Variants in CD101 observed in about 807,000 individuals in gnomAD.
CD101 encodes immunoglobulin superfamily member 2.
CD101 carries 76 observed loss-of-function variants against 98.2 expected under a neutral mutation model. The ratio of observed to expected loss-of-function variants is 0.77; its 90% CI spans 0.64 to 0.94. CD101 has a LOEUF of 0.94. CD101 is among the 40% of genes least tolerant of loss of function. The pLI, the probability that CD101 is intolerant of heterozygous loss-of-function variation, is 0.00. For synonymous variants in CD101, 471 were observed against 472.7 expected, an observed-to-expected ratio of 1.00 and a Z score of 0.05; for missense variants, 1,145 against 1,218.8, an observed-to-expected ratio of 0.94 and a Z score of 0.90.
chr1:117,015,812 C>G (rs1214109121), intron 4 of CD101, among the ~76,000 whole-genome samples: 2 of 152,152 alleles, frequency 1.3e-5, no homozygotes, highest in Non-Finnish European at 2.9e-5. Flanking sequence ...AACAATGCAG[C>G]AAGGTGAGCA....
At chr1:117,026,915 G>A (rs1310870590) in intron 8 of CD101, 6 of 152,130 alleles carry the variant, frequency 3.9e-5, no homozygotes, top group Admixed American at 2.0e-4. Flanking sequence ...TGTACCTTCT[G>A]GGCTCCTCCA....
In CD101 at chr1:117,005,700, C is replaced by G. The variant is rs2764851; in HGVS notation, c.43+3840C>G. On this transcript the variant is annotated intron_variant, in intron 1 of 9. Coordinates refer to ENST00000682167, the MANE Select transcript of CD101 (RefSeq NM_001256106.3). The surrounding 1 kb of genome is among the most constrained non-coding windows in gnomAD (Gnocchi z 4.4). Reference sequence around the variant, plus strand: ...TTCCCAACACTTGTATGTAACTGACCTAATCTACATCTAACAGTTCAGAAC... The same window carrying G: ...TTCCCAACACTTGTATGTAACTGACGTAATCTACATCTAACAGTTCAGAAC... Among the ~76,000 whole-genome samples the G allele has an allele frequency of 0.16, 23,926 of 152,084 alleles. 2,001 individuals are homozygous for G. The highest frequency in any genetic ancestry group is 0.23 in the Middle Eastern group (69 of 294).
At chr1:117,020,095 C>T (rs1051365143) in intron 6 of CD101, among the ~76,000 whole-genome samples, 2 of 152,044 alleles carry the variant, frequency 1.3e-5, no homozygotes, top group Non-Finnish European at 2.9e-5. Context: ...TCTTCTCCAT[C>T]GGAATAATTC....
In CD101 at chr1:117,019,415, C is replaced by T. The variant is rs1390504943; in HGVS notation, c.2017+855C>T. 6.6e-6 allele frequency among the ~76,000 whole-genome samples: 1 copy of T among 151,926 alleles called. No homozygotes were observed. The highest frequency in any genetic ancestry group is 2.4e-5 in the African/African-American group (1 of 41,344). On this transcript the variant is annotated intron_variant, in intron 6 of 9. Transcript: ENST00000682167. This position sits in a 1 kb window ranked among gnomAD's most constrained non-coding sequence, Gnocchi z 4.3. The stretch of plus-strand genomic sequence containing the variant: ...AACATTTTTGGTAATAGTAATGATC[C>T]CCTTGTTCATGAATTCATGCTTAAT...
intron 2 of CD101, 33 bp from the exon 3 acceptor site, chr1:117,011,517 C>T (rs200663410): frequency 1.9e-6 from 3 of 1,583,944 alleles, no homozygotes; most frequent in East Asian, 2.2e-5. Flanking sequence ...AAGCACTGGG[C>T]CAGTCACATT....
intron 8 of CD101, among the ~76,000 whole-genome samples, chr1:117,028,850 G>A (rs906086867): frequency 6.6e-6 from 1 of 152,162 alleles, no homozygotes; most frequent in African/African-American, 2.4e-5. Flanking sequence ...AAGTTGAGGG[G>A]AGAGTGGGCA....
intron 1 of CD101, among the ~76,000 whole-genome samples, chr1:117,008,664 C>T (rs1015649397): frequency 1.2e-4 from 18 of 152,130 alleles, no homozygotes; most frequent in Admixed American, 1.1e-3. Flanking sequence ...CATTTCATCC[C>T]AGATTCCTAT....
intron 8 of CD101, among the ~76,000 whole-genome samples, chr1:117,029,226 AAAGAAAG>A (rs1557779132): frequency 1.9e-4 from 11 of 58,088 alleles, no homozygotes; most frequent in Admixed American, 4.6e-4. Flanking sequence ...AGAAAGAAAG[AAAGAAAG>A]AAAGAAAGAA....
At chr1:117,008,301 C>T (rs1442147320) in intron 1 of CD101, among the ~76,000 whole-genome samples, 1 of 152,012 alleles carries the variant, frequency 6.6e-6, no homozygotes, top group Non-Finnish European at 1.5e-5. Context: ...CCCGTCTCTA[C>T]TAAAAATATA....
At position 117,021,562 on chromosome 1, in the gene CD101, T is replaced by C. The variant is rs754807766; in HGVS notation, c.2018-11T>C. The C allele has an allele frequency of 7.1e-6, 11 of 1,550,226 alleles. No individual in the cohort carries two copies. In the African/African-American group the frequency reaches 1.4e-4, roughly 20 times the overall value. On this transcript the variant is annotated splice_polypyrimidine_tract_variant and intron_variant, in intron 6 of 9. Transcript: ENST00000682167. The surrounding 1 kb of genome is among the most constrained non-coding windows in gnomAD (Gnocchi z 4.7). ...CATAGCAAAGTAACTGTTTCATTTT[T>C]TTAAATTTAGAGAGCAAGCTAAAAG... is the stretch of plus-strand genomic sequence containing the variant.
intron 1 of CD101, 115 bp from the exon 2 acceptor site, chr1:117,009,735 A>G (rs1652762329): frequency 9.0e-7 from 1 of 1,105,806 alleles, no homozygotes; most frequent in African/African-American, 1.6e-5. Context: ...AATTATAGCT[A>G]ATAACTTGCG....
chr1:117,018,115 T>C lies in CD101; in HGVS notation c.1613-41T>C. On this transcript the variant is annotated intron_variant, in intron 5 of 9. Transcript: ENST00000682167. This position sits in a 1 kb window ranked among gnomAD's most constrained non-coding sequence, Gnocchi z 4.3. ...AACTTGAAAGTGCTATATTTTAATC[T>C]GGTAAATATATTAGAAATTCTGTTT... 6.6e-7 allele frequency: 1 copy of C among 1,504,532 alleles called. No homozygotes were observed. Among genetic ancestry groups the C allele is most frequent in the Non-Finnish European group, 8.9e-7 (1 of 1,122,704 alleles). 93.2% of individuals were successfully genotyped at this position (1,504,532 alleles called of 1,614,324 possible).
intron 9 of CD101, among the ~76,000 whole-genome samples, chr1:117,035,836 G>GC (rs1350285033): frequency 7.9e-5 from 12 of 152,222 alleles, no homozygotes; most frequent in Admixed American, 1.3e-4. Context: ...ACAGGCGTGA[G>GC]CCACCACGCC....
rs776683399 is a variant in CD101 at position 117,021,825 on chromosome 1, C to G, written c.2270C>G (p.Ser757Cys). ...CAAAAATTTCATACTGAGAAGGTTTCCCAAGACTTATTTCAGCTGCACATT... is the reference window on the plus strand; with the variant it reads ...CAAAAATTTCATACTGAGAAGGTTTGCCAAGACTTATTTCAGCTGCACATT... ...RKQKFHTEKV[S>C]QDLFQLHILN... Residue 757 changes from serine (S) to cysteine (C), a missense_variant, in exon 7 of 10, where the codon TCC becomes TGC. Transcript: ENST00000682167. This position sits in a 1 kb window ranked among gnomAD's most constrained non-coding sequence, Gnocchi z 4.7. 1.2e-6 allele frequency: 2 copies of G among 1,614,134 alleles called. No individual in the cohort carries two copies. Among genetic ancestry groups the G allele is most frequent in the Non-Finnish European group, 1.7e-6 (2 of 1,180,028 alleles).
In CD101 at chr1:117,018,078, G is replaced by A; in HGVS notation, c.1613-78G>A. The A allele has an allele frequency of 8.0e-7, 1 of 1,245,378 alleles. No homozygotes were observed. 77.1% of individuals were successfully genotyped at this position (1,245,378 alleles called of 1,614,324 possible). ...AATGCATGGTCCTAGTCAAAGAGGTGGCAACTAGAAAAACTTGAAAGTGCT... is the reference window on the plus strand; with the variant it reads ...AATGCATGGTCCTAGTCAAAGAGGTAGCAACTAGAAAAACTTGAAAGTGCT... On this transcript the variant is annotated intron_variant, in intron 5 of 9. Transcript: ENST00000682167. The surrounding 1 kb of genome is among the most constrained non-coding windows in gnomAD (Gnocchi z 4.3).
chr1:117,029,311 AAAG>A (rs1340909911), intron 8 of CD101, among the ~76,000 whole-genome samples: 3 of 151,286 alleles, frequency 2.0e-5, no homozygotes, highest in African/African-American at 4.9e-5. Context: ...TGAAAGAAAG[AAAG>A]AAGAAAGAAA....
chr1:117,030,684 A>G (rs913497541), intron 8 of CD101, among the ~76,000 whole-genome samples: 1 of 152,196 alleles, frequency 6.6e-6, no homozygotes, highest in Non-Finnish European at 1.5e-5. Flanking sequence ...TTGGGTTGAA[A>G]CAGGATGCTG....
intron 4 of CD101, 23 bp from the exon 5 acceptor site, chr1:117,017,064 GTTC>G (rs1653262848): frequency 6.3e-7 from 1 of 1,589,776 alleles, no homozygotes; most frequent in East Asian, 2.2e-5. Context: ...AAACAGTTTT[GTTC>G]TTCTATAATC....
At chr1:117,026,076 A>T in intron 8 of CD101, 172 bp downstream of exon 8, 1 of 635,848 alleles carries the variant, frequency 1.6e-6, no homozygotes, top group South Asian at 2.4e-5. Flanking sequence ...ATAGTAACTC[A>T]TTTGAACAAA....
Sources: gnomAD v4.1 joint callset for allele counts (sites outside exome capture counted in the v4.1 genomes callset) on GRCh38, gnomAD v4.1.1 for gene constraint, Gnocchi (gnomAD v3.1) non-coding constraint, MANE v1.5 for transcripts, NCBI Gene and HGNC (gene_info 2026-07-23, HGNC 2026-07-21) for gene names.